The following ABCA9 variants were observed in gnomAD, a reference collection of about 807,000 sequenced individuals.
The protein encoded by ABCA9 is ATP-binding cassette sub-family A member 9.
In ABCA9, 183 loss-of-function variants were observed where a neutral mutation model predicts 205.3. The observed-to-expected ratio is 0.89, with a 90% CI of 0.79 to 1.01. The LOEUF is 1.01. Among genes scored for constraint, ABCA9 ranks in the 50% least tolerant of loss-of-function variants. The pLI is 0.00. For missense variants in ABCA9, 1,805 were observed against 1,912.4 expected, an observed-to-expected ratio of 0.94 and a Z score of 1.05; for synonymous variants, 651 against 683.3, an observed-to-expected ratio of 0.95 and a Z score of 0.74.
chr17:68,983,872 G>A, intron 35 of ABCA9, 23 bp from the exon 36 acceptor site: 1 of 1,613,984 alleles, frequency 6.2e-7, no homozygotes, highest in South Asian at 1.1e-5. Flanking sequence ...GAAGGATAAA[G>A]TCAAGCAAGA....
intron 25 of ABCA9, among the ~76,000 whole-genome samples, chr17:68,997,818 A>G (rs1225329004): frequency 6.6e-6 from 1 of 152,040 alleles, no homozygotes; most frequent in Non-Finnish European, 1.5e-5. Context: ...CAGAGTCCAT[A>G]GTTTACATTA....
At chr17:69,015,137 G>C (rs1029423321) in intron 22 of ABCA9, among the ~76,000 whole-genome samples, 1 of 150,678 alleles carries the variant, frequency 6.6e-6, no homozygotes, top group Non-Finnish European at 1.5e-5. Flanking sequence ...CTGAGAGCTA[G>C]GACACCCTCC....
Position 69,029,198 on chromosome 17 carries a change from C to G in ABCA9, c.1475G>C (p.Gly492Ala), listed in dbSNP as rs1166236071. The G allele has an allele frequency of 6.4e-7, 1 of 1,559,644 alleles. No individual in the cohort carries two copies. Among genetic ancestry groups the G allele is most frequent in the Non-Finnish European group, 8.8e-7 (1 of 1,142,426 alleles). ...CAAAGCTTCTACTCTCTCACACTTC[C>G]CTGCATATTCTTTTTTAAGATTTTT... Reference protein sequence around the residue: ...RIKNLKKEYAGKCERVEALKG... With the variant: ...RIKNLKKEYAAKCERVEALKG... The change falls in exon 11 of 39, where the codon GGG (glycine) becomes GCG (alanine). Residue 492 changes from glycine (G) to alanine (A), a missense_variant. Physicochemically the swap from Gly to Ala is moderately conservative, Grantham distance 60. Transcript: ENST00000340001.
Position 69,012,031 on chromosome 17 carries a change from G to A in ABCA9, c.3092C>T (p.Pro1031Leu), listed in dbSNP as rs751508531. ...GTATGGAGTGAAAGAGGCTGCCATCGGTATCCAGAAGAAGGTGTTACTTCG... is the reference window on the plus strand; with the variant it reads ...GTATGGAGTGAAAGAGGCTGCCATCAGTATCCAGAAGAAGGTGTTACTTCG... ...GYRSNTFFWI[P>L]MAASFTPYIA... The change falls in exon 23 of 39, where the codon CCG (proline) becomes CTG (leucine). Residue 1031 changes from proline to leucine, a missense_variant. Transcript: ENST00000340001. The A allele has an allele frequency of 2.5e-5, 41 of 1,612,940 alleles. No homozygotes were observed. The highest frequency in any genetic ancestry group is 6.7e-5 in the African/African-American group (5 of 74,828).
Position 69,035,713 on chromosome 17 carries a change from GGAC to G in ABCA9, c.886_888del (p.Val296del). ...GTGAAGACCATCACAAAACCAGTCA[GGAC>G]GACAATTTGTGCAGATTTTACAATA... On this transcript the variant is annotated inframe_deletion, in exon 7 of 39. Transcript: ENST00000340001. 5 of 1,613,650 alleles carry G rather than the reference GGAC, an allele frequency of 3.1e-6. No individual in the cohort carries two copies. Among genetic ancestry groups the G allele is most frequent in the Non-Finnish European group, 4.2e-6 (5 of 1,179,806 alleles).
intron 37 of ABCA9, among the ~76,000 whole-genome samples, chr17:68,982,204 C>G (rs1051646816): frequency 2.0e-5 from 3 of 152,168 alleles, no homozygotes; most frequent in Non-Finnish European, 4.4e-5. Flanking sequence ...CTCTTTCTCC[C>G]AGAGCCTTGT....
chr17:68,990,949 G>A lies in ABCA9; in HGVS notation c.3725C>T (p.Pro1242Leu). ...GTTTGGAAAAATAGCGTTGCTTCTT[G>A]GAGAAATTCTGAAATCAAAACAGTG... ...MRKDPVFRIS[P>L]RSNAIFPNPE... is the part of the protein sequence containing the mutation. Residue 1242 changes from proline to leucine, a missense_variant, in exon 29 of 39, where the codon CCA becomes CTA. Pro to Leu is a moderately conservative substitution (Grantham distance 98, BLOSUM62 -3). Coordinates refer to ENST00000340001, the MANE Select transcript of ABCA9 (RefSeq NM_080283.4). 3 of 1,608,362 alleles carry A rather than the reference G, an allele frequency of 1.9e-6. No homozygotes were observed. The highest frequency in any genetic ancestry group is 2.2e-5 in the East Asian group (1 of 44,824).
chr17:68,983,248 A>C (rs1256388725), intron 36 of ABCA9, among the ~76,000 whole-genome samples: 1 of 152,164 alleles, frequency 6.6e-6, no homozygotes, highest in African/African-American at 2.4e-5. Context: ...GTAGCATTTC[A>C]GTAAAAAGAA....
Position 68,989,860 on chromosome 17 carries a change from CT to C in ABCA9, c.3907del (p.Arg1303GlyfsTer20). 6.2e-7 allele frequency: 1 copy of C among 1,612,982 alleles called. No individual in the cohort carries two copies. Among genetic ancestry groups the C allele is most frequent in the Non-Finnish European group, 8.5e-7 (1 of 1,179,306 alleles). On this transcript the variant is annotated frameshift_variant, in exon 30 of 39. Coordinates refer to ENST00000340001, the MANE Select transcript of ABCA9 (RefSeq NM_080283.4). LOFTEE classifies it high-confidence loss of function. ...AGKKKNCFSK[R>X]KKKIATRNVS... The stretch of plus-strand genomic sequence containing the variant: ...ATTTCTTGTGGCAATTTTTTTCTTC[CT>C]TTTAGAAAAGCAATTTTTCTTTTTG...
At chr17:68,994,635 A>T (rs2069557837) in intron 26 of ABCA9, among the ~76,000 whole-genome samples, 1 of 152,210 alleles carries the variant, frequency 6.6e-6, no homozygotes, top group Admixed American at 6.5e-5. Context: ...TTCCTAAAAA[A>T]GGTAGAATCA....
At chr17:69,059,132 G>A (rs2072157773) in intron 1 of ABCA9, among the ~76,000 whole-genome samples, 1 of 152,088 alleles carries the variant, frequency 6.6e-6, no homozygotes, top group South Asian at 2.1e-4. Flanking sequence ...AGGGATTATG[G>A]GGACTATAAT....
chr17:69,022,087 CTA>C lies in ABCA9; in HGVS notation c.2282-228_2282-227del, dbSNP rs769283173. 9.2e-5 allele frequency: 23 copies of C among 249,010 alleles called. 1 individual carries two copies. Among genetic ancestry groups the C allele is most frequent in the Middle Eastern group, 2.6e-3 (2 of 764 alleles). 15.4% of individuals were successfully genotyped at this position (249,010 alleles called of 1,614,324 possible). A position where few individuals can be genotyped will look rare whatever the true frequency, so the allele number is the denominator to read the frequency against. On this transcript the variant is annotated intron_variant, in intron 17 of 38. Transcript: ENST00000340001. Reference sequence around the variant, plus strand: ...TATTTTTTCACTCTTAGGAAACTACCTATGTGTTTTTTGAAAAACATATTTTA... The same window carrying C: ...TATTTTTTCACTCTTAGGAAACTACCTGTGTTTTTTGAAAAACATATTTTA...
At chr17:69,052,132 A>G (rs1400035649) in intron 1 of ABCA9, among the ~76,000 whole-genome samples, 1 of 152,160 alleles carries the variant, frequency 6.6e-6, no homozygotes, top group Non-Finnish European at 1.5e-5. Flanking sequence ...GCACTTTGGG[A>G]GGCTGAGGCA....
chr17:69,000,763 G>T (rs568365902), intron 25 of ABCA9, among the ~76,000 whole-genome samples: 2 of 151,248 alleles, frequency 1.3e-5, no homozygotes, highest in African/African-American at 4.9e-5. Context: ...CCATGAGCAT[G>T]GAATGTTCTT....
At chr17:69,036,074 T>G (rs999344428) in intron 6 of ABCA9, among the ~76,000 whole-genome samples, 1 of 152,138 alleles carries the variant, frequency 6.6e-6, no homozygotes, top group Non-Finnish European at 1.5e-5. Flanking sequence ...AGAGAGAGCT[T>G]TTCTGGGAAG....
intron 9 of ABCA9, 118 bp from the exon 10 acceptor site, chr17:69,032,394 G>A: frequency 1.1e-6 from 1 of 897,492 alleles, no homozygotes; most frequent in African/African-American, 1.7e-5. Flanking sequence ...ATTAAGGTCT[G>A]TATTAATTAC....
At chr17:69,018,296 T>C in intron 20 of ABCA9, 117 bp downstream of exon 20, 1 of 879,568 alleles carries the variant, frequency 1.1e-6, no homozygotes, top group Non-Finnish European at 1.6e-6. Context: ...CTGTTTGGCC[T>C]CATATATGCT....
chr17:69,053,860 C>G (rs1047494143), intron 1 of ABCA9, among the ~76,000 whole-genome samples: 1 of 152,056 alleles, frequency 6.6e-6, no homozygotes, highest in East Asian at 1.9e-4. Context: ...AATATTTGCT[C>G]AAACAACTAC....
At chr17:68,977,274 G>C (rs954521416) in intron 37 of ABCA9, among the ~76,000 whole-genome samples, 1 of 152,050 alleles carries the variant, frequency 6.6e-6, no homozygotes, top group Non-Finnish European at 1.5e-5. Flanking sequence ...TGTAATCAGA[G>C]GTAATAGATG....
Sources: gnomAD v4.1 joint callset for allele counts (sites outside exome capture counted in the v4.1 genomes callset) on GRCh38, gnomAD v4.1.1 for gene constraint, MANE v1.5 for transcripts, NCBI Gene and HGNC (gene_info 2026-07-23, HGNC 2026-07-21) for gene names.